Variants in AVEN observed in about 807,000 individuals in gnomAD.
The protein encoded by AVEN is cell death regulator Aven.
In AVEN, 41 loss-of-function variants were observed where a neutral mutation model predicts 38.1. That is an observed-to-expected ratio of 1.08 (90% CI 0.84 to 1.40). The LOEUF (loss-of-function observed/expected upper bound fraction) is 1.40. Ranked by LOEUF, AVEN falls within the 40% of genes most tolerant of loss-of-function variation. The probability of loss-of-function intolerance (pLI) is 0.00; values close to 1 mark genes in which losing one functional copy is unlikely to be tolerated. For missense variants in AVEN, 605 were observed against 438.8 expected (o/e 1.38, Z -3.38); for synonymous variants, 206 against 171.8 (o/e 1.20, Z -1.56).
At chr15:33,997,300 C>T (rs1028089995) in intron 2 of AVEN, among the ~76,000 whole-genome samples, 1 of 152,092 alleles carries the variant, frequency 6.6e-6, no homozygotes, top group Non-Finnish European at 1.5e-5. Flanking sequence ...AGTATCAAGA[C>T]TACTTTTTTT....
At chr15:34,027,090 C>T (rs994455534) in intron 1 of AVEN, among the ~76,000 whole-genome samples, 1 of 152,216 alleles carries the variant, frequency 6.6e-6, no homozygotes, top group Non-Finnish European at 1.5e-5. Flanking sequence ...AAATTGTCAA[C>T]ATATACTCTT....
At chr15:34,041,937 A>C (rs554834758), upstream of AVEN, among the ~76,000 whole-genome samples, 1 of 152,292 alleles carries the variant, frequency 6.6e-6, no homozygotes, top group South Asian at 2.1e-4. Context: ...GTTACTCTCC[A>C]TCTGTTCATT....
chr15:33,949,552 AT>A (rs1178338692), intron 2 of AVEN, among the ~76,000 whole-genome samples: 4 of 152,236 alleles, frequency 2.6e-5, no homozygotes, highest in African/African-American at 9.6e-5. Context: ...TTTTAAGTGG[AT>A]TAGTCGTTGC....
intron 2 of AVEN, among the ~76,000 whole-genome samples, chr15:33,929,291 A>T (rs597414): frequency 0.65 from 99,337 of 152,032 alleles, 32,810 homozygotes; most frequent in East Asian, 0.8. Flanking sequence ...TTATCCGCTG[A>T]GGCATATAAA....
At chr15:33,861,304 C>T (rs559593668), downstream of AVEN, 3 of 622,508 alleles carry the variant, frequency 4.8e-6, no homozygotes, top group South Asian at 5.3e-5. Context: ...CCCCATGAGC[C>T]TGTACCTTTG....
downstream of AVEN, chr15:33,864,149 TG>T (rs1889560467): frequency 6.2e-7 from 1 of 1,611,820 alleles, no homozygotes; most frequent in African/African-American, 1.3e-5. Context: ...TTCTTTCTGA[TG>T]TATTTGATTA....
intron 2 of AVEN, among the ~76,000 whole-genome samples, chr15:33,920,544 G>A (rs1893353866): frequency 6.6e-6 from 1 of 152,090 alleles, no homozygotes; most frequent in African/African-American, 2.4e-5. Flanking sequence ...CTTAACCCCA[G>A]TACACTTTTA....
Position 34,063,986 on chromosome 15 carries a change from C to T in AVEN, n.1127-554G>A, listed in dbSNP as rs1251764135. The T allele has an allele frequency of 6.2e-7, 1 of 1,614,192 alleles. No individual in the cohort carries two copies. The highest frequency in any genetic ancestry group is 2.2e-5 in the East Asian group (1 of 44,880). On this transcript the variant is annotated intron_variant and non_coding_transcript_variant, in intron 4 of 11. Coordinates refer to the AVEN transcript ENST00000675287. The surrounding 1 kb of genome is among the most constrained non-coding windows in gnomAD (Gnocchi z 4.1). ...CGAAAGGCCTCAATCCCAACCCCAG[C>T]CATCAAATGACCAAACGAAAGAGAG...
chr15:33,865,393 G>A (rs917778628), downstream of AVEN: 2 of 593,888 alleles, frequency 3.4e-6, no homozygotes, highest in Non-Finnish European at 6.0e-6. Flanking sequence ...TTGGCTTTTT[G>A]TGCCTAATGG....
chr15:34,002,599 T>C (rs190428739), intron 2 of AVEN, among the ~76,000 whole-genome samples: 3 of 152,172 alleles, frequency 2.0e-5, no homozygotes, highest in Admixed American at 2.0e-4. Flanking sequence ...ATAGCTCCAA[T>C]ATGTGCATAT....
chr15:33,860,993 C>A, intron 11 of AVEN: 1 of 1,068,616 alleles, frequency 9.4e-7, no homozygotes, highest in South Asian at 1.4e-5. Flanking sequence ...TTTTCATTAT[C>A]CTTCAATTCG....
intron 2 of AVEN, among the ~76,000 whole-genome samples, chr15:33,876,612 A>G (rs61247330): frequency 0.038 from 5,713 of 152,204 alleles, 322 homozygotes; most frequent in South Asian, 0.12. Context: ...GAATAATATA[A>G]TTAATAAGAC....
chr15:34,031,168 A>ATTTTTTTTTTTTT (rs34414446), intron 1 of AVEN, among the ~76,000 whole-genome samples: 4 of 67,600 alleles, frequency 5.9e-5, no homozygotes, highest in Non-Finnish European at 7.6e-5. Flanking sequence ...GCTTAGGTTA[A>ATTTTTTTTTTTTT]TTTTTTTTTT....
chr15:33,936,419 G>C (rs560473769), intron 2 of AVEN, among the ~76,000 whole-genome samples: 29 of 152,242 alleles, frequency 1.9e-4, no homozygotes, highest in African/African-American at 6.7e-4. Context: ...TAAAGTACCT[G>C]AGAATATAAT....
intron 1 of AVEN, among the ~76,000 whole-genome samples, chr15:34,017,185 C>A (rs1156737975): frequency 6.6e-6 from 1 of 151,946 alleles, no homozygotes; most frequent in Non-Finnish European, 1.5e-5. Context: ...TGAATCCAAC[C>A]ACCCGTCTCA....
downstream of AVEN, among the ~76,000 whole-genome samples, chr15:33,863,434 G>C (rs572923554): frequency 2.8e-4 from 43 of 152,228 alleles, no homozygotes; most frequent in Non-Finnish European, 4.9e-4. Flanking sequence ...ACCCTCAGAA[G>C]GACATAATTT....
intron 2 of AVEN, among the ~76,000 whole-genome samples, chr15:33,997,215 C>T (rs1567457015): frequency 6.6e-6 from 1 of 152,082 alleles, no homozygotes; most frequent in Non-Finnish European, 1.5e-5. Flanking sequence ...AAATTTAAAA[C>T]AATGCACTGA....
At chr15:33,920,211 T>C (rs905153954) in intron 2 of AVEN, among the ~76,000 whole-genome samples, 1 of 152,154 alleles carries the variant, frequency 6.6e-6, no homozygotes, top group Non-Finnish European at 1.5e-5. Context: ...TCACATAAAA[T>C]GTGCCATCTT....
At chr15:33,988,293 A>T (rs998433506) in intron 2 of AVEN, among the ~76,000 whole-genome samples, 1 of 152,234 alleles carries the variant, frequency 6.6e-6, no homozygotes, top group African/African-American at 2.4e-5. Flanking sequence ...AATGAACAGT[A>T]TCAAGTGCAA....
Sources: gnomAD v4.1 joint callset for allele counts (sites outside exome capture counted in the v4.1 genomes callset) on GRCh38, gnomAD v4.1.1 for gene constraint, Gnocchi (gnomAD v3.1) non-coding constraint, MANE v1.5 for transcripts, NCBI Gene and HGNC (gene_info 2026-07-23, HGNC 2026-07-21) for gene names.